SGCE: variants seen among roughly 807,000 people sequenced by gnomAD.
SGCE encodes the protein sarcoglycan epsilon, also known as epsilon-sarcoglycan.
SGCE carries 26 observed loss-of-function variants against 57.8 expected under a neutral mutation model. The ratio of observed to expected loss-of-function variants is 0.45; its 90% CI spans 0.33 to 0.62. The LOEUF (loss-of-function observed/expected upper bound fraction) is 0.62, where lower values mean the gene tolerates loss of function less well. Among genes scored for constraint, SGCE ranks in the 20% least tolerant of loss-of-function variants. SGCE has a pLI of 0.02. For missense variants in SGCE, 468 were observed against 548.6 expected (o/e 0.85, Z 1.47); for synonymous variants, 183 against 189.5 (o/e 0.97, Z 0.28).
intron 1 of SGCE, among the ~76,000 whole-genome samples, chr7:94,635,508 T>C (rs937763955): frequency 6.6e-6 from 1 of 152,222 alleles, no homozygotes; most frequent in Non-Finnish European, 1.5e-5. Context: ...AGTTTTAACA[T>C]CTAAAAACTC....
chr7:94,600,603 T>C, intron 7 of SGCE, 43 bp downstream of exon 7: 1 of 1,410,398 alleles, frequency 7.1e-7, no homozygotes, highest in Non-Finnish European at 1.0e-6. Context: ...TGTTGTTATC[T>C]TAGCAGGATC....
Position 94,588,639 on chromosome 7 carries a change from A to C in SGCE, c.1297+50T>G, listed in dbSNP as rs779911903. 12 of 1,561,838 alleles carry C rather than the reference A, an allele frequency of 7.7e-6. No individual in the cohort carries two copies. In the Admixed American group the frequency reaches 8.4e-5, roughly 11 times the overall value. On this transcript the variant is annotated intron_variant, in intron 10 of 10. Transcript: ENST00000648936. Reference sequence around the variant, plus strand: ...TTATATAGTGCCATAATTATCTTTTAATCTATTAGATTCATTCATAAACAT... The same window carrying C: ...TTATATAGTGCCATAATTATCTTTTCATCTATTAGATTCATTCATAAACAT...
chr7:94,655,846 T>C (rs1808573757), intron 1 of SGCE, 144 bp downstream of exon 1: 1 of 654,244 alleles, frequency 1.5e-6, no homozygotes, highest in Admixed American at 2.2e-5. Flanking sequence ...CAGGGTGTAC[T>C]GAAGGAGGGG....
chr7:94,647,296 G>C (rs1427010595), intron 1 of SGCE, among the ~76,000 whole-genome samples: 1 of 152,056 alleles, frequency 6.6e-6, no homozygotes, highest in South Asian at 2.1e-4. Flanking sequence ...AATCATCCTT[G>C]AAATCTCCTC....
At chr7:94,651,696 G>C (rs910368888) in intron 1 of SGCE, among the ~76,000 whole-genome samples, 1 of 152,210 alleles carries the variant, frequency 6.6e-6, no homozygotes, top group Non-Finnish European at 1.5e-5. Context: ...GGTTGTTCCA[G>C]AGTCAGTCTG....
At chr7:94,594,418 A>G (rs1798108702) in intron 9 of SGCE, 1 of 152,150 alleles carries the variant, frequency 6.6e-6, no homozygotes. Flanking sequence ...CATGAGGGAC[A>G]TACTACACAA....
At chr7:94,601,881 A>G (rs1446471389) in intron 6 of SGCE, among the ~76,000 whole-genome samples, 1 of 151,934 alleles carries the variant, frequency 6.6e-6, no homozygotes, top group African/African-American at 2.4e-5. Context: ...TTTCTTTTAT[A>G]TTTTATTTAT....
intron 1 of SGCE, among the ~76,000 whole-genome samples, chr7:94,649,963 T>C (rs1362850084): frequency 6.6e-6 from 1 of 152,178 alleles, no homozygotes; most frequent in African/African-American, 2.4e-5. Flanking sequence ...AGGGGTCCTG[T>C]AAGGAAGCCC....
chr7:94,648,108 C>T (rs1807356692), intron 1 of SGCE, among the ~76,000 whole-genome samples: 1 of 152,048 alleles, frequency 6.6e-6, no homozygotes. Context: ...TGTGGTGGCT[C>T]ACACCTGTAA....
chr7:94,606,232 AT>A (rs1320629684), intron 5 of SGCE, among the ~76,000 whole-genome samples: 3 of 152,196 alleles, frequency 2.0e-5, no homozygotes, highest in African/African-American at 4.8e-5. Flanking sequence ...TTTATAAAAA[AT>A]ATCTACTTTA....
intron 1 of SGCE, among the ~76,000 whole-genome samples, chr7:94,645,132 A>G (rs993602704): frequency 7.9e-5 from 12 of 152,248 alleles, no homozygotes; most frequent in Non-Finnish European, 1.8e-4. Flanking sequence ...TGCAAAGTCT[A>G]TGTCATGAAC....
At position 94,585,400 on chromosome 7, in the gene SGCE, T is replaced by C; in HGVS notation, c.*99A>G. 2.9e-6 allele frequency: 3 copies of C among 1,051,838 alleles called. No homozygotes were observed. Among genetic ancestry groups the C allele is most frequent in the Non-Finnish European group, 4.5e-6 (3 of 668,506 alleles). 65.2% of individuals were successfully genotyped at this position (1,051,838 alleles called of 1,614,324 possible). A position where few individuals can be genotyped will look rare whatever the true frequency, so the allele number is the denominator to read the frequency against. On this transcript the variant is annotated 3_prime_UTR_variant, in exon 11 of 11. Transcript: ENST00000648936. Reference sequence around the variant, plus strand: ...TAATACTGCCAACATGCATAACATATGCCAGAAAAGCTCATGCATTATTGG... The same window carrying C: ...TAATACTGCCAACATGCATAACATACGCCAGAAAAGCTCATGCATTATTGG...
intron 1 of SGCE, chr7:94,644,671 T>C: frequency 7.8e-7 from 1 of 1,280,940 alleles, no homozygotes; most frequent in Non-Finnish European, 1.0e-6. Context: ...TATTCCACTG[T>C]AAGGGGGATG....
chr7:94,637,648 T>C (rs1361027155), intron 1 of SGCE, among the ~76,000 whole-genome samples: 3 of 152,164 alleles, frequency 2.0e-5, no homozygotes, highest in East Asian at 3.9e-4. Flanking sequence ...AGCACCATAA[T>C]AGATGACTCT....
intron 9 of SGCE, chr7:94,590,679 A>G (rs766366945): frequency 1.3e-5 from 2 of 152,182 alleles, no homozygotes; most frequent in Non-Finnish European, 2.9e-5. Flanking sequence ...CCTAAGCAGA[A>G]CTGTGATGTA....
Position 94,623,389 on chromosome 7 carries a change from G to T in SGCE, c.399C>A (p.Ala133=). The T allele has an allele frequency of 6.3e-7, 1 of 1,598,308 alleles. No individual in the cohort carries two copies. The highest frequency in any genetic ancestry group is 8.6e-7 in the Non-Finnish European group (1 of 1,167,024). ...VGKPTIIEIT[A]YNRRTFETAR... is the part of the protein sequence containing the mutation. ...CAGTCTCAAAGGTGCGCCTGTTGTA[G>T]GCAGTTATCTATTATAAAAGGAAAA... Residue 133 remains alanine, a synonymous_variant, in exon 4 of 11, where the codon GCC becomes GCA. Transcript: ENST00000648936.
chr7:94,586,872 G>A (rs1001045742), intron 10 of SGCE: 3 of 985,046 alleles, frequency 3.0e-6, no homozygotes, highest in East Asian at 1.1e-4. Context: ...AAAATGCTAG[G>A]GTGGTCTCTC....
chr7:94,615,365 AATAGATAGATAGATAGATAGATAGATAG>A (rs3045711), intron 5 of SGCE, among the ~76,000 whole-genome samples: 7 of 142,310 alleles, frequency 4.9e-5, no homozygotes, highest in African/African-American at 7.9e-5. Flanking sequence ...TCTCAAAATA[AATAGATAGATAGATAGATAGATAGATAG>A]ATAGATAGAT....
intron 9 of SGCE, among the ~76,000 whole-genome samples, chr7:94,592,482 ATG>A (rs1562788885): frequency 6.6e-6 from 1 of 152,198 alleles, no homozygotes; most frequent in East Asian, 1.9e-4. Flanking sequence ...AAAAGTTATT[ATG>A]TGTAAACTGC....
Sources: allele counts gnomAD v4.1 joint callset (sites outside exome capture counted in the v4.1 genomes callset), GRCh38; gene constraint gnomAD v4.1.1; transcripts MANE v1.5; gene names NCBI Gene and HGNC (gene_info 2026-07-23, HGNC 2026-07-21).